The following FGD4 variants were observed in gnomAD, a reference collection of about 807,000 sequenced individuals.
The protein encoded by FGD4 is FYVE, RhoGEF and PH domain-containing protein 4.
FGD4 carries 42 observed loss-of-function variants against 102.0 expected under a neutral mutation model. The ratio of observed to expected loss-of-function variants is 0.41; its 90% CI spans 0.32 to 0.53. FGD4 has a LOEUF of 0.53. FGD4 is among the 20% of genes least tolerant of loss of function. The probability of loss-of-function intolerance (pLI) is 0.21; values close to 1 mark genes in which losing one functional copy is unlikely to be tolerated. For synonymous variants in FGD4, 380 were observed against 375.7 expected (o/e 1.01, Z -0.13); for missense variants, 902 against 1,078.2 (o/e 0.84, Z 2.29).
At chr12:32,454,644 T>G (rs1942902394) in intron 1 of FGD4, among the ~76,000 whole-genome samples, 1 of 152,188 alleles carries the variant, frequency 6.6e-6, no homozygotes, top group Non-Finnish European at 1.5e-5. Flanking sequence ...TAAATGATTG[T>G]TTTAAGTAAG....
At chr12:32,606,013 A>G (rs181469509) in intron 7 of FGD4, among the ~76,000 whole-genome samples, 159 of 152,186 alleles carry the variant, frequency 1.0e-3, no homozygotes, top group African/African-American at 3.4e-3. Flanking sequence ...TTGGGAATCA[A>G]CTAACCTAGT....
intron 15 of FGD4, among the ~76,000 whole-genome samples, chr12:32,636,461 C>T (rs776803342): frequency 5.5e-4 from 83 of 151,154 alleles, no homozygotes; most frequent in Non-Finnish European, 1.0e-3. Context: ...TGAACCTGGG[C>T]GGCGGAGGTG....
At chr12:32,401,964 G>A (rs1370797597) in intron 1 of FGD4, among the ~76,000 whole-genome samples, 1 of 145,972 alleles carries the variant, frequency 6.9e-6, no homozygotes, top group African/African-American at 2.5e-5. Flanking sequence ...GTGCAGTGAC[G>A]CAATCTTGGC....
At chr12:32,621,508 G>T (rs1232244417) in intron 11 of FGD4, among the ~76,000 whole-genome samples, 1 of 152,050 alleles carries the variant, frequency 6.6e-6, no homozygotes, top group East Asian at 1.9e-4. Context: ...ATTTACCCTG[G>T]ATATTCATAC....
At chr12:32,547,453 C>T (rs184447137) in intron 1 of FGD4, among the ~76,000 whole-genome samples, 2 of 152,268 alleles carry the variant, frequency 1.3e-5, no homozygotes, top group Admixed American at 6.5e-5. Flanking sequence ...CACATACACA[C>T]ACACCCCAGC....
chr12:32,590,629 G>C (rs763568639), intron 4 of FGD4, among the ~76,000 whole-genome samples: 10 of 152,130 alleles, frequency 6.6e-5, no homozygotes, highest in Non-Finnish European at 1.2e-4. Flanking sequence ...TCGCTTACTA[G>C]CTGTATGACT....
intron 4 of FGD4, among the ~76,000 whole-genome samples, chr12:32,584,819 C>G (rs1946872722): frequency 6.6e-6 from 1 of 152,060 alleles, no homozygotes; most frequent in African/African-American, 2.4e-5. Flanking sequence ...GAAATAGATA[C>G]TTACTTCAGA....
chr12:32,535,206 TTTTG>T (rs1426258243), intron 1 of FGD4, among the ~76,000 whole-genome samples: 2 of 152,244 alleles, frequency 1.3e-5, no homozygotes, highest in Non-Finnish European at 2.9e-5. Context: ...AATGGGTTCA[TTTTG>T]TTTATTTTCC....
intron 1 of FGD4, among the ~76,000 whole-genome samples, chr12:32,439,083 A>G (rs1380964459): frequency 6.6e-6 from 1 of 152,080 alleles, no homozygotes; most frequent in Non-Finnish European, 1.5e-5. Context: ...TTCCTATCCA[A>G]CTGAAATTTT....
At position 32,624,431 on chromosome 12, in the gene FGD4, A is replaced by G. The variant is rs778667184; in HGVS notation, c.1932A>G (p.Gln644=). The change falls in exon 12 of 17, where the codon CAA becomes CAG. Residue 644 remains glutamine, a synonymous_variant. Coordinates refer to ENST00000534526, the MANE Select transcript of FGD4 (RefSeq NM_001370298.3). ...TTTTGTTTTATTTTAGTTCTGCGCA[A>G]GACAAAGAAGAATGGATCAAGGTAA... ...RTLELQASSA[Q]DKEEWIKALQ... 4 of 1,601,886 alleles carry G rather than the reference A, an allele frequency of 2.5e-6. No homozygotes were observed. Among genetic ancestry groups the G allele is most frequent in the African/African-American group, 1.3e-5 (1 of 74,708 alleles).
At chr12:32,527,121 T>C (rs140030918) in intron 1 of FGD4, among the ~76,000 whole-genome samples, 58 of 152,348 alleles carry the variant, frequency 3.8e-4, no homozygotes, top group African/African-American at 1.2e-3. Flanking sequence ...GTGAAGTCCA[T>C]ATCTGGTAGT....
intron 1 of FGD4, among the ~76,000 whole-genome samples, chr12:32,522,585 ATTTTC>A (rs1940660576): frequency 6.6e-6 from 1 of 152,070 alleles, no homozygotes; most frequent in East Asian, 1.9e-4. Flanking sequence ...CTAACGTTTT[ATTTTC>A]TTGAAGTCTC....
chr12:32,549,023 A>G (rs887356366), intron 1 of FGD4, among the ~76,000 whole-genome samples: 1 of 152,254 alleles, frequency 6.6e-6, no homozygotes, highest in Non-Finnish European at 1.5e-5. Context: ...TTCCCAAAAC[A>G]TGTTCCAAGA....
At chr12:32,632,227 C>G (rs976887846) in intron 14 of FGD4, among the ~76,000 whole-genome samples, 4 of 152,146 alleles carry the variant, frequency 2.6e-5, no homozygotes, top group African/African-American at 9.7e-5. Context: ...AAAGTTATCA[C>G]TAAGAAGTAA....
At chr12:32,602,075 A>T (rs1482269035) in intron 6 of FGD4, 86 bp from the exon 7 acceptor site, 1 of 1,216,774 alleles carries the variant, frequency 8.2e-7, no homozygotes, top group Non-Finnish European at 1.2e-6. Flanking sequence ...TGATAATGCC[A>T]CTGCACTACA....
chr12:32,452,766 T>C lies in FGD4; in HGVS notation c.166+52807T>C, dbSNP rs374166389. ...TTGGGAGGCCGAAGCAGGAAGATCA[T>C]GTGAGTGAGCCCAGGAGTTCAAGAC... On this transcript the variant is annotated intron_variant, in intron 1 of 16. Coordinates refer to ENST00000534526, the MANE Select transcript of FGD4 (RefSeq NM_001370298.3). Among the ~76,000 whole-genome samples, 29 of 152,214 alleles carry C rather than the reference T, an allele frequency of 1.9e-4. 1 individual carries two copies. The East Asian group carries it at 5.4e-3, about 28-fold the overall frequency.
intron 1 of FGD4, among the ~76,000 whole-genome samples, chr12:32,561,085 T>TG (rs1459908977): frequency 2.5e-5 from 3 of 119,724 alleles, no homozygotes; most frequent in East Asian, 2.3e-4. Context: ...GTTTTTTTTT[T>TG]TTTTTTTTTT....
intron 2 of FGD4, among the ~76,000 whole-genome samples, chr12:32,570,976 G>C (rs1408180488): frequency 6.6e-6 from 1 of 152,128 alleles, no homozygotes; most frequent in African/African-American, 2.4e-5. Flanking sequence ...CTTAAAAATA[G>C]ACGTCTCATA....
rs1943744702 is a variant in FGD4, at chr12:32,552,433, C to CTTTTTT, written c.167-11704_167-11703insTTTTTT. Among the ~76,000 whole-genome samples the CTTTTTT allele has an allele frequency of 5.9e-5, 5 of 84,882 alleles. No homozygotes were observed. In the South Asian group the frequency reaches 1.7e-3, roughly 29 times the overall value. 55.7% of individuals were successfully genotyped at this position (84,882 alleles called of 152,430 possible). A position where few individuals can be genotyped will look rare whatever the true frequency, so the allele number is the denominator to read the frequency against. The stretch of plus-strand genomic sequence containing the variant: ...CGCCGCCATGCCCGACTAATTTTTG[C>CTTTTTT]ATTTTTTTTTTTTTTTTTTTTTTTT... On this transcript the variant is annotated intron_variant, in intron 1 of 16. Transcript: ENST00000534526.
Sources: allele counts gnomAD v4.1 joint callset (sites outside exome capture counted in the v4.1 genomes callset), GRCh38; gene constraint gnomAD v4.1.1; transcripts MANE v1.5; gene names NCBI Gene and HGNC (gene_info 2026-07-23, HGNC 2026-07-21).